The following FLACC1 variants were observed in gnomAD, a reference collection of about 807,000 sequenced individuals.
The protein encoded by FLACC1 is flagellum-associated coiled-coil domain-containing protein 1.
In FLACC1, 66 loss-of-function variants were observed where a neutral mutation model predicts 62.8. That is an observed-to-expected ratio of 1.05 (90% CI 0.86 to 1.29). The LOEUF (loss-of-function observed/expected upper bound fraction) is 1.29, where lower values mean the gene tolerates loss of function less well. Ranked by LOEUF, FLACC1 falls within the 50% of genes most tolerant of loss-of-function variation. The probability of loss-of-function intolerance (pLI) is 0.00; values close to 1 mark genes in which losing one functional copy is unlikely to be tolerated. For synonymous variants in FLACC1, 156 were observed against 161.0 expected (o/e 0.97, Z 0.24); for missense variants, 452 against 489.1 (o/e 0.92, Z 0.71).
At chr2:201,297,583 G>A (rs949198984) in intron 12 of FLACC1, among the ~76,000 whole-genome samples, 6 of 152,200 alleles carry the variant, frequency 3.9e-5, no homozygotes, top group African/African-American at 1.4e-4. Context: ...CTCATGTCCA[G>A]TGAGGTGAAG....
intron 12 of FLACC1, among the ~76,000 whole-genome samples, chr2:201,295,164 T>C (rs1246406389): frequency 6.6e-6 from 1 of 152,126 alleles, no homozygotes; most frequent in Non-Finnish European, 1.5e-5. Context: ...AAAAACTACT[T>C]TAAAGTTCAT....
chr2:201,291,860 C>T (rs1021210192), intron 12 of FLACC1, among the ~76,000 whole-genome samples: 6 of 152,036 alleles, frequency 3.9e-5, no homozygotes, highest in Non-Finnish European at 8.8e-5. Flanking sequence ...AACCATGGCA[C>T]AAGAAGTATG....
chr2:201,342,439 C>T lies in FLACC1; in HGVS notation c.463-8G>A. 6.2e-7 allele frequency: 1 copy of T among 1,614,134 alleles called. No homozygotes were observed. The highest frequency in any genetic ancestry group is 8.5e-7 in the Non-Finnish European group (1 of 1,179,984). On this transcript the variant is annotated splice_region_variant and splice_polypyrimidine_tract_variant and intron_variant, in intron 6 of 14. Coordinates refer to ENST00000392257, the MANE Select transcript of FLACC1 (RefSeq NM_001127391.3). ...ATCCATTTCACTGGAGAGCTGGAAA[C>T]AAAATCAGCATCTACAACACAGGAC...
In FLACC1 at chr2:201,330,806, T is replaced by G. The variant is rs370202023; in HGVS notation, c.552A>C (p.Glu184Asp). 3.3e-5 allele frequency: 53 copies of G among 1,613,678 alleles called. 1 individual carries two copies. In the East Asian group the frequency reaches 4.7e-4, roughly 14 times the overall value. The change falls in exon 8 of 15, where the codon GAA becomes GAC. Residue 184 changes from glutamate to aspartate, a missense_variant. Glu to Asp is a conservative substitution (Grantham distance 45). Transcript: ENST00000392257. Reference protein sequence around the residue: ...NRELKEAHEAELSELENNYKA... With the variant: ...NRELKEAHEADLSELENNYKA... ...TGTAGTTGTTCTCCAACTCACTGAGTTCTGCTTCATGGGCCTCTTTGAGCT... is the reference window on the plus strand; with the variant it reads ...TGTAGTTGTTCTCCAACTCACTGAGGTCTGCTTCATGGGCCTCTTTGAGCT...
chr2:201,331,568 C>A (rs1160040737), intron 7 of FLACC1, among the ~76,000 whole-genome samples: 1 of 152,114 alleles, frequency 6.6e-6, no homozygotes, highest in Non-Finnish European at 1.5e-5. Flanking sequence ...ATGGAGGAAC[C>A]TTTAAAGCAT....
At chr2:201,300,065 AGACAGTGGGTGCAG>A (rs1393153025) in intron 11 of FLACC1, among the ~76,000 whole-genome samples, 1 of 152,150 alleles carries the variant, frequency 6.6e-6, no homozygotes, top group African/African-American at 2.4e-5. Flanking sequence ...GGGGCTTGTC[AGACAGTGGGTGCAG>A]GACAGTGGGT....
chr2:201,363,223 C>T, the FLACC1 span, among the ~76,000 whole-genome samples: 6 of 151,580 alleles, frequency 4.0e-5, no homozygotes, highest in South Asian at 1.3e-3. Context: ...CTCCAGGTAT[C>T]TGGAGCACCC....
At chr2:201,304,223 T>G (rs1950053079) in intron 11 of FLACC1, among the ~76,000 whole-genome samples, 1 of 152,192 alleles carries the variant, frequency 6.6e-6, no homozygotes, top group Non-Finnish European at 1.5e-5. Context: ...GATAAGCAAC[T>G]TCAGCAAAGT....
chr2:201,291,403 C>A (rs994015342), intron 12 of FLACC1, among the ~76,000 whole-genome samples: 1 of 152,222 alleles, frequency 6.6e-6, no homozygotes, highest in Non-Finnish European at 1.5e-5. Flanking sequence ...GCTGCTGATA[C>A]CCAGGCAAAC....
At chr2:201,317,194 G>T (rs1950322654) in intron 9 of FLACC1, among the ~76,000 whole-genome samples, 1 of 152,136 alleles carries the variant, frequency 6.6e-6, no homozygotes. Flanking sequence ...GGAAGTCCTA[G>T]CCAGAGCAAT....
At position 201,288,375 on chromosome 2, in the gene FLACC1, GTTTC is replaced by G. The variant is rs1394526307; in HGVS notation, c.*276_*279del. 1 of 286,730 alleles carries G rather than the reference GTTTC, an allele frequency of 3.5e-6. No individual in the cohort carries two copies. The allele number at this position is 286,730 out of a possible 1,614,324, so 17.8% of individuals were successfully genotyped here. A position where few individuals can be genotyped will look rare whatever the true frequency, so the allele number is the denominator to read the frequency against. ...CAATATGAAGAAGGCCTTCAAATCA[GTTTC>G]TTTCTAACGAAATACGTCAAGGTAG... On this transcript the variant is annotated 3_prime_UTR_variant, in exon 15 of 15. Transcript: ENST00000392257.
At chr2:201,354,610 C>A (rs1011289153) in intron 1 of FLACC1, among the ~76,000 whole-genome samples, 2 of 152,022 alleles carry the variant, frequency 1.3e-5, no homozygotes, top group Admixed American at 1.3e-4. Context: ...GGATCGAGTG[C>A]CCAGGTGGGA....
At chr2:201,293,513 A>G (rs1047126152) in intron 12 of FLACC1, among the ~76,000 whole-genome samples, 1 of 152,238 alleles carries the variant, frequency 6.6e-6, no homozygotes, top group Non-Finnish European at 1.5e-5. Context: ...TCTGGGACAC[A>G]TTTAAAGCAG....
intron 7 of FLACC1, among the ~76,000 whole-genome samples, chr2:201,331,717 A>C (rs1950596833): frequency 6.6e-6 from 1 of 152,242 alleles, no homozygotes; most frequent in African/African-American, 2.4e-5. Flanking sequence ...AGGTAGGATG[A>C]ATAGGCAGAG....
chr2:201,305,932 T>G (rs10200279), intron 11 of FLACC1, among the ~76,000 whole-genome samples: 1 of 140,340 alleles, frequency 7.1e-6, no homozygotes, highest in African/African-American at 2.7e-5. Flanking sequence ...CAGGGCCAGT[T>G]GTGGGGTGGG....
At chr2:201,355,123 A>G (rs1951095996) in intron 1 of FLACC1, among the ~76,000 whole-genome samples, 2 of 152,234 alleles carry the variant, frequency 1.3e-5, no homozygotes, top group South Asian at 2.1e-4. Context: ...CGTCTCTACT[A>G]AAAACACAAA....
At chr2:201,343,832 A>T (rs146239430) in intron 6 of FLACC1, among the ~76,000 whole-genome samples, 11 of 152,370 alleles carry the variant, frequency 7.2e-5, no homozygotes, top group African/African-American at 2.6e-4. Context: ...GAGCCTCACA[A>T]GCTCTGAAAC....
At chr2:201,327,728 C>T (rs1050133223) in intron 9 of FLACC1, among the ~76,000 whole-genome samples, 11 of 152,102 alleles carry the variant, frequency 7.2e-5, no homozygotes, top group African/African-American at 2.4e-4. Flanking sequence ...TAAATTAGTA[C>T]AACCTTTTGG....
chr2:201,304,937 A>G (rs1444457534), intron 11 of FLACC1, among the ~76,000 whole-genome samples: 1 of 152,240 alleles, frequency 6.6e-6, no homozygotes, highest in African/African-American at 2.4e-5. Flanking sequence ...TTAATTCAAG[A>G]TGGATTAAAG....
Sources: gnomAD v4.1 joint callset for allele counts (sites outside exome capture counted in the v4.1 genomes callset) on GRCh38, gnomAD v4.1.1 for gene constraint, MANE v1.5 for transcripts, NCBI Gene and HGNC (gene_info 2026-07-23, HGNC 2026-07-21) for gene names.